The following MTA3 variants were observed in gnomAD, a reference collection of about 807,000 sequenced individuals.
MTA3 encodes metastasis-associated protein MTA3.
Under a neutral mutation model 83.5 loss-of-function variants are expected in MTA3, and 34 were observed. The observed-to-expected ratio is 0.41, with a 90% CI of 0.31 to 0.54. MTA3 has a LOEUF of 0.54. MTA3 is among the 20% of genes least tolerant of loss of function. The probability of loss-of-function intolerance (pLI) is 0.33; values close to 1 mark genes in which losing one functional copy is unlikely to be tolerated. For synonymous variants in MTA3, 303 were observed against 252.7 expected (o/e 1.20, Z -1.89); for missense variants, 761 against 726.4 (o/e 1.05, Z -0.55).
intron 9 of MTA3, among the ~76,000 whole-genome samples, chr2:42,691,653 C>G (rs193066447): frequency 6.6e-6 from 1 of 152,292 alleles, no homozygotes; most frequent in East Asian, 1.9e-4. Context: ...TCACCAACAT[C>G]TATTTTTTTC....
intron 2 of MTA3, among the ~76,000 whole-genome samples, chr2:42,524,701 T>A (rs901719335): frequency 6.6e-6 from 1 of 151,802 alleles, no homozygotes. Flanking sequence ...GGCCCAAGAT[T>A]CATGCCAAAG....
At chr2:42,591,385 G>T (rs974473278) in intron 3 of MTA3, among the ~76,000 whole-genome samples, 12 of 152,146 alleles carry the variant, frequency 7.9e-5, no homozygotes, top group African/African-American at 2.9e-4. Context: ...GAATGTGAAG[G>T]CCTAGTACAT....
At chr2:42,631,853 C>G (rs1686707389) in intron 4 of MTA3, among the ~76,000 whole-genome samples, 1 of 151,650 alleles carries the variant, frequency 6.6e-6, no homozygotes, top group Non-Finnish European at 1.5e-5. Context: ...CCATGCCTGC[C>G]TAGTTTTTTT....
chr2:42,688,770 C>G (rs1480266494), intron 9 of MTA3, among the ~76,000 whole-genome samples: 1 of 151,792 alleles, frequency 6.6e-6, no homozygotes, highest in African/African-American at 2.4e-5. Flanking sequence ...ACATAAAGGG[C>G]AGTTTTTGTT....
At chr2:42,647,167 A>ACAAAAAAAAAAAAC (rs1360967605) in intron 6 of MTA3, among the ~76,000 whole-genome samples, 6 of 150,372 alleles carry the variant, frequency 4.0e-5, no homozygotes, top group African/African-American at 7.4e-5. Context: ...AAAAAAAAAA[A>ACAAAAAAAAAAAAC]CAAAAAAGAA....
chr2:42,679,577 T>C (rs1168442472), intron 8 of MTA3, among the ~76,000 whole-genome samples: 1 of 152,190 alleles, frequency 6.6e-6, no homozygotes, highest in East Asian at 1.9e-4. Context: ...GAGTTATTTG[T>C]TCCACATTAT....
chr2:42,671,388 AG>A (rs1367240829), intron 8 of MTA3, among the ~76,000 whole-genome samples: 19 of 151,576 alleles, frequency 1.3e-4, no homozygotes, highest in African/African-American at 4.6e-4. Context: ...GTTTTGCCTG[AG>A]GTTTCTTTAT....
intron 4 of MTA3, among the ~76,000 whole-genome samples, chr2:42,630,209 T>C (rs548920781): frequency 2.0e-5 from 3 of 152,354 alleles, no homozygotes; most frequent in African/African-American, 2.4e-5. Context: ...TATCTTGTGC[T>C]ACATTACTTT....
At chr2:42,594,811 A>G (rs1225760338) in intron 3 of MTA3, among the ~76,000 whole-genome samples, 21 of 136,418 alleles carry the variant, frequency 1.5e-4, no homozygotes, top group African/African-American at 5.7e-4. Flanking sequence ...ACTGTAAGCT[A>G]CACCTCCTGG....
chr2:42,574,877 G>C (rs1195062025), intron 2 of MTA3, among the ~76,000 whole-genome samples: 2 of 152,132 alleles, frequency 1.3e-5, no homozygotes, highest in East Asian at 3.8e-4. Context: ...TTTAGTCTTT[G>C]AGACCACCAA....
chr2:42,635,892 A>G (rs1687146020), intron 4 of MTA3, among the ~76,000 whole-genome samples: 1 of 151,954 alleles, frequency 6.6e-6, no homozygotes, highest in Admixed American at 6.6e-5. Context: ...CAGCCTCCGC[A>G]GTAGCTGGGA....
At chr2:42,707,449 G>A (rs1666200878) in intron 12 of MTA3, among the ~76,000 whole-genome samples, 3 of 152,010 alleles carry the variant, frequency 2.0e-5, no homozygotes, top group East Asian at 1.9e-4. Flanking sequence ...GGGTTTCACC[G>A]TGTTAGCCAG....
intron 14 of MTA3, 23 bp from the exon 15 acceptor site, chr2:42,718,965 T>G (rs985926539): frequency 8.5e-6 from 13 of 1,523,704 alleles, no homozygotes; most frequent in Middle Eastern, 1.7e-4. Flanking sequence ...ATTGGTTATC[T>G]CCATGTTTCT....
At chr2:42,626,538 C>A (rs530012701) in intron 4 of MTA3, among the ~76,000 whole-genome samples, 2 of 141,996 alleles carry the variant, frequency 1.4e-5, no homozygotes, top group Admixed American at 7.1e-5. Flanking sequence ...CCTCGTGATC[C>A]GCCTGCCTCG....
chr2:42,543,837 AAT>A (rs1553340123), intron 2 of MTA3, among the ~76,000 whole-genome samples: 2 of 151,190 alleles, frequency 1.3e-5, no homozygotes, highest in Admixed American at 6.6e-5. Context: ...TACATTAAAA[AAT>A]ATATATATAT....
intron 9 of MTA3, among the ~76,000 whole-genome samples, chr2:42,691,942 C>A (rs1425351240): frequency 6.6e-6 from 1 of 152,102 alleles, no homozygotes; most frequent in Admixed American, 6.5e-5. Flanking sequence ...TTTTGAGGTT[C>A]TTTCTTTATC....
At chr2:42,609,696 T>C (rs1683946506) in intron 4 of MTA3, 112 bp downstream of exon 4, 6 of 1,227,094 alleles carry the variant, frequency 4.9e-6, no homozygotes, top group Non-Finnish European at 4.5e-6. Flanking sequence ...ACTACTTTGC[T>C]AAAGGCTTCA....
intron 2 of MTA3, among the ~76,000 whole-genome samples, chr2:42,497,735 C>G (rs1042677639): frequency 6.6e-6 from 1 of 152,122 alleles, no homozygotes; most frequent in Non-Finnish European, 1.5e-5. Context: ...ATAATAATAC[C>G]TACATCCAAA....
In MTA3 at chr2:42,706,295, T is replaced by A. The variant is rs185461206; in HGVS notation, c.1151-1608T>A. On this transcript the variant is annotated intron_variant, in intron 12 of 16. Coordinates refer to ENST00000405094, the MANE Select transcript of MTA3 (RefSeq NM_001330442.2). ...TATAATAATAATAAAATAAAAAATT[T>A]AAAAAATGACTTATTAGTTCTAAAT... Among the ~76,000 whole-genome samples, 7 of 152,236 alleles carry A rather than the reference T, an allele frequency of 4.6e-5. No individual in the cohort carries two copies. The South Asian group carries it at 8.3e-4, about 18-fold the overall frequency.
Sources: gnomAD v4.1 joint callset for allele counts (sites outside exome capture counted in the v4.1 genomes callset) on GRCh38, gnomAD v4.1.1 for gene constraint, MANE v1.5 for transcripts, NCBI Gene and HGNC (gene_info 2026-07-23, HGNC 2026-07-21) for gene names.